The following FGGY variants were observed in gnomAD, a reference collection of about 807,000 sequenced individuals.
The protein encoded by FGGY is FGGY carbohydrate kinase domain containing.
Under a neutral mutation model 71.3 loss-of-function variants are expected in FGGY, and 72 were observed. That is an observed-to-expected ratio of 1.01 (90% CI 0.84 to 1.23). The LOEUF (loss-of-function observed/expected upper bound fraction) is 1.23. FGGY is among the 50% of genes most tolerant of loss of function. The pLI, the probability that FGGY is intolerant of heterozygous loss-of-function variation, is 0.00. For synonymous variants in FGGY, 251 were observed against 250.3 expected (o/e 1.00, Z -0.02); for missense variants, 668 against 682.3 (o/e 0.98, Z 0.23).
chr1:59,497,354 G>A (rs943783725), intron 6 of FGGY, among the ~76,000 whole-genome samples: 1 of 152,168 alleles, frequency 6.6e-6, no homozygotes, highest in Non-Finnish European at 1.5e-5. Flanking sequence ...TTGCGAGGCC[G>A]AGGCAGCAGA....
At chr1:59,465,087 G>A (rs997148644) in intron 6 of FGGY, among the ~76,000 whole-genome samples, 2 of 152,216 alleles carry the variant, frequency 1.3e-5, no homozygotes, top group Non-Finnish European at 2.9e-5. Flanking sequence ...CAATATCCCT[G>A]ATGAACATCG....
chr1:59,510,219 G>A (rs2094487433), intron 6 of FGGY, among the ~76,000 whole-genome samples: 1 of 152,134 alleles, frequency 6.6e-6, no homozygotes. Flanking sequence ...CTCTTAGGCT[G>A]TCTCTAGGGT....
intron 8 of FGGY, among the ~76,000 whole-genome samples, chr1:59,579,361 A>C (rs56020084): frequency 0.16 from 23,855 of 152,114 alleles, 2,437 homozygotes; most frequent in Middle Eastern, 0.23. Context: ...TCTGTAGAGT[A>C]TGACCTCCAA....
chr1:59,465,053 A>G (rs1385979341), intron 6 of FGGY, among the ~76,000 whole-genome samples: 1 of 152,236 alleles, frequency 6.6e-6, no homozygotes, highest in African/African-American at 2.4e-5. Flanking sequence ...TGGCAGAAGC[A>G]CAACAAAAAA....
intron 5 of FGGY, among the ~76,000 whole-genome samples, chr1:59,383,039 T>C (rs2059657185): frequency 6.6e-6 from 1 of 152,200 alleles, no homozygotes; most frequent in Admixed American, 6.5e-5. Flanking sequence ...ACACTAGTTG[T>C]GTGACCTTGG....
intron 15 of FGGY, among the ~76,000 whole-genome samples, chr1:59,758,598 T>A (rs1248663798): frequency 6.6e-6 from 1 of 152,190 alleles, no homozygotes; most frequent in Non-Finnish European, 1.5e-5. Flanking sequence ...GATGAGAGAA[T>A]GCTTTTGGGA....
At chr1:59,428,363 G>A (rs1572035604) in intron 5 of FGGY, among the ~76,000 whole-genome samples, 1 of 152,178 alleles carries the variant, frequency 6.6e-6, no homozygotes, top group African/African-American at 2.4e-5. Flanking sequence ...CAGCTAATAG[G>A]TGATGGAGCT....
chr1:59,301,903 T>TC (rs2042812337), intron 1 of FGGY, among the ~76,000 whole-genome samples: 2 of 145,030 alleles, frequency 1.4e-5, no homozygotes, highest in African/African-American at 5.0e-5. Flanking sequence ...CTTTCTTTCT[T>TC]TTTTTTTTTT....
chr1:59,728,562 C>T (rs1423137701), intron 14 of FGGY, among the ~76,000 whole-genome samples: 1 of 151,816 alleles, frequency 6.6e-6, no homozygotes, highest in Non-Finnish European at 1.5e-5. Context: ...TTTTTTTCAA[C>T]ATTTTTTATA....
chr1:59,685,762 T>A (rs1473090783), intron 14 of FGGY, among the ~76,000 whole-genome samples: 1 of 152,176 alleles, frequency 6.6e-6, no homozygotes, highest in Non-Finnish European at 1.5e-5. Flanking sequence ...GCAGTTATTA[T>A]TATTTTTTTT....
chr1:59,749,469 G>T (rs909361925), intron 14 of FGGY, among the ~76,000 whole-genome samples: 6 of 152,162 alleles, frequency 3.9e-5, no homozygotes, highest in African/African-American at 1.2e-4. Context: ...TGCAATTGGT[G>T]GCAGGAGAGT....
At chr1:59,308,040 G>A (rs1180398105) in intron 1 of FGGY, among the ~76,000 whole-genome samples, 2 of 152,204 alleles carry the variant, frequency 1.3e-5, no homozygotes, top group African/African-American at 4.8e-5. Context: ...TGCTTACCGT[G>A]TGCAGCTAGC....
chr1:59,517,183 C>T (rs1202861564), intron 7 of FGGY, among the ~76,000 whole-genome samples: 1 of 151,514 alleles, frequency 6.6e-6, no homozygotes, highest in South Asian at 2.1e-4. Context: ...TTCTTGGCTC[C>T]AGCACCCCAA....
chr1:59,315,365 A>G (rs992077969), intron 1 of FGGY, among the ~76,000 whole-genome samples: 1 of 151,686 alleles, frequency 6.6e-6, no homozygotes, highest in Non-Finnish European at 1.5e-5. Context: ...CTGCCAGTTC[A>G]GTTTCCTCCT....
intron 6 of FGGY, among the ~76,000 whole-genome samples, chr1:59,495,842 G>A (rs7519346): frequency 0.36 from 54,816 of 151,918 alleles, 10,580 homozygotes; most frequent in Middle Eastern, 0.51. Context: ...ATGGATCTAT[G>A]TGTCTGTTAT....
intron 9 of FGGY, among the ~76,000 whole-genome samples, chr1:59,614,402 T>C (rs1261968533): frequency 6.6e-6 from 1 of 152,116 alleles, no homozygotes; most frequent in Non-Finnish European, 1.5e-5. Flanking sequence ...AAAAACCACA[T>C]GATTATCTCA....
intron 6 of FGGY, among the ~76,000 whole-genome samples, chr1:59,497,414 C>T (rs564553367): frequency 3.9e-5 from 6 of 152,250 alleles, no homozygotes; most frequent in Non-Finnish European, 8.8e-5. Flanking sequence ...TGGCAAAACC[C>T]CATCTCTACT....
At chr1:59,510,005 T>G (rs1012311173) in intron 6 of FGGY, among the ~76,000 whole-genome samples, 1 of 151,886 alleles carries the variant, frequency 6.6e-6, no homozygotes, top group African/African-American at 2.4e-5. Context: ...GTAGGCAAGA[T>G]TTCTAAACGG....
intron 11 of FGGY, among the ~76,000 whole-genome samples, chr1:59,657,258 A>G (rs2097227662): frequency 6.6e-6 from 1 of 152,196 alleles, no homozygotes; most frequent in African/African-American, 2.4e-5. Context: ...AAAATCATCC[A>G]AATCTGGTCT....
Sources: gnomAD v4.1 joint callset for allele counts (sites outside exome capture counted in the v4.1 genomes callset) on GRCh38, gnomAD v4.1.1 for gene constraint, MANE v1.5 for transcripts, NCBI Gene and HGNC (gene_info 2026-07-23, HGNC 2026-07-21) for gene names.